The following DGKB variants were observed in gnomAD, a reference collection of about 807,000 sequenced individuals.
DGKB encodes the protein 90 kDa diacylglycerol kinase.
Under a neutral mutation model 114.3 loss-of-function variants are expected in DGKB, and 67 were observed. The ratio of observed to expected loss-of-function variants is 0.59; its 90% CI spans 0.48 to 0.72. DGKB has a LOEUF of 0.72. DGKB is among the 30% of genes least tolerant of loss of function. The pLI, the probability that DGKB is intolerant of heterozygous loss-of-function variation, is 0.00. For synonymous variants in DGKB, 398 were observed against 323.1 expected (o/e 1.23, Z -2.49); for missense variants, 907 against 975.2 (o/e 0.93, Z 0.93).
intron 19 of DGKB, among the ~76,000 whole-genome samples, chr7:14,575,155 A>G (rs1339419334): frequency 1.3e-5 from 2 of 152,110 alleles, no homozygotes; most frequent in South Asian, 4.1e-4. Flanking sequence ...AAACTAATAA[A>G]TTTGCTAACA....
chr7:14,730,601 G>T (rs570859079), intron 5 of DGKB, among the ~76,000 whole-genome samples: 1 of 152,196 alleles, frequency 6.6e-6, no homozygotes, highest in East Asian at 1.9e-4. Flanking sequence ...GAGATGGAGC[G>T]AATAGGGCTG....
chr7:14,574,076 C>T, intron 20 of DGKB, 136 bp downstream of exon 20: 2 of 610,910 alleles, frequency 3.3e-6, no homozygotes, highest in African/African-American at 1.9e-5. Context: ...TAATAATTGC[C>T]TATTAGAAGA....
At chr7:14,584,260 G>A (rs747851285) in intron 17 of DGKB, among the ~76,000 whole-genome samples, 1 of 152,092 alleles carries the variant, frequency 6.6e-6, no homozygotes, top group African/African-American at 2.4e-5. Context: ...CTCTTTTTAT[G>A]AATTTTTAAG....
intron 23 of DGKB, among the ~76,000 whole-genome samples, chr7:14,203,264 G>C (rs1786201478): frequency 6.7e-6 from 1 of 149,826 alleles, no homozygotes; most frequent in South Asian, 2.1e-4. Flanking sequence ...ACAGTCATAA[G>C]ACATTTCCTT....
intron 23 of DGKB, among the ~76,000 whole-genome samples, chr7:14,324,468 A>G (rs1220020924): frequency 6.7e-6 from 1 of 149,448 alleles, no homozygotes; most frequent in Non-Finnish European, 1.5e-5. Flanking sequence ...AAAAAGAAAG[A>G]ATGTCAGATT....
Position 14,698,514 on chromosome 7 carries a change from T to A in DGKB, c.517-345A>T, listed in dbSNP as rs191014997. Among the ~76,000 whole-genome samples, 3 of 152,200 alleles carry A rather than the reference T, an allele frequency of 2.0e-5. No individual in the cohort carries two copies. The East Asian group carries it at 5.8e-4, about 29-fold the overall frequency. On this transcript the variant is annotated intron_variant, in intron 7 of 25. Transcript: ENST00000402815. ...TTTAAGACACTGAATTCCCTGAACC[T>A]TTGGCTTGAAAATAGATGTGAAAGG...
At position 14,700,240 on chromosome 7, in the gene DGKB, G is replaced by T. The variant is rs537893166; in HGVS notation, c.516+1441C>A. 2.4e-3 allele frequency among the ~76,000 whole-genome samples: 353 copies of T among 145,692 alleles called. 3 individuals are homozygous for T. The highest frequency in any genetic ancestry group is 8.8e-3 in the African/African-American group (346 of 39,538). On this transcript the variant is annotated intron_variant, in intron 7 of 25. Coordinates refer to ENST00000402815, the MANE Select transcript of DGKB (RefSeq NM_001350709.2). The stretch of plus-strand genomic sequence containing the variant: ...TTTTTTTTTTTTTTTTTGAGATGGA[G>T]TCTTGCTCTCTCGCCCAGGCTGGAG...
intron 21 of DGKB, among the ~76,000 whole-genome samples, chr7:14,379,163 A>G (rs1427485032): frequency 1.3e-5 from 2 of 151,516 alleles, no homozygotes; most frequent in African/African-American, 2.4e-5. Flanking sequence ...TAAATTTGTT[A>G]TTTGTAAATG....
intron 23 of DGKB, chr7:14,191,905 T>C (rs1784372695): frequency 1.7e-6 from 1 of 575,656 alleles, no homozygotes; most frequent in Non-Finnish European, 3.2e-6. Flanking sequence ...AAAAGATTGA[T>C]TGCCAGTCTG....
Position 14,682,828 on chromosome 7 carries a change from T to C in DGKB, c.843A>G (p.Thr281=), listed in dbSNP as rs1433398901. 3 of 1,592,462 alleles carry C rather than the reference T, an allele frequency of 1.9e-6. No individual in the cohort carries two copies. The highest frequency in any genetic ancestry group is 1.7e-6 in the Non-Finnish European group (2 of 1,168,700). ...QGLCCSFCKY[T]VHERCVARAP... Reference sequence around the variant, plus strand: ...CTCGAGCCACACAGCGCTCATGGACTGTGTACTTGCAGACTGAAAGGAAAC... The same window carrying C: ...CTCGAGCCACACAGCGCTCATGGACCGTGTACTTGCAGACTGAAAGGAAAC... The change falls in exon 11 of 26, where the codon ACA becomes ACG. Residue 281 remains threonine, a synonymous_variant. Transcript: ENST00000402815.
chr7:14,757,679 C>G lies in DGKB; in HGVS notation c.123G>C (p.Val41=). 6.2e-7 allele frequency: 1 copy of G among 1,604,294 alleles called. No homozygotes were observed. Among genetic ancestry groups the G allele is most frequent in the Non-Finnish European group, 8.5e-7 (1 of 1,172,880 alleles). Residue 41 remains valine (V), a synonymous_variant, in exon 3 of 26, where the codon GTG becomes GTC. Transcript: ENST00000402815. ...DVLEEFHGNG[V]LAKYNPEGKQ... ...CCCCTTCAGGATTATACTTTGCAAG[C>G]ACACCATTACCATGGAATTCTTCAA...
intron 5 of DGKB, among the ~76,000 whole-genome samples, chr7:14,728,740 G>A (rs1195682836): frequency 6.8e-6 from 1 of 146,190 alleles, no homozygotes; most frequent in African/African-American, 2.6e-5. Flanking sequence ...GTCTCGCTCT[G>A]TCGTGCAGGC....
intron 21 of DGKB, among the ~76,000 whole-genome samples, chr7:14,373,398 A>G (rs1423512908): frequency 1.3e-5 from 2 of 152,208 alleles, no homozygotes; most frequent in East Asian, 1.9e-4. Context: ...TAACTGTTGT[A>G]TTGCATAAAA....
intron 21 of DGKB, among the ~76,000 whole-genome samples, chr7:14,387,554 A>T (rs1820610318): frequency 1.3e-5 from 2 of 152,076 alleles, no homozygotes; most frequent in Admixed American, 6.6e-5. Flanking sequence ...CTGGGACTAT[A>T]GGTCTGTGCC....
At chr7:14,241,469 C>G (rs756202960) in intron 23 of DGKB, among the ~76,000 whole-genome samples, 3 of 151,490 alleles carry the variant, frequency 2.0e-5, no homozygotes, top group Admixed American at 1.3e-4. Context: ...ATATAAAAAA[C>G]GACATATAAG....
intron 17 of DGKB, among the ~76,000 whole-genome samples, chr7:14,586,249 T>C (rs887451703): frequency 1.4e-4 from 21 of 152,130 alleles, no homozygotes; most frequent in African/African-American, 5.1e-4. Context: ...CGAAACAGCC[T>C]TATTGCTGAT....
At chr7:14,593,920 C>T (rs1010590530) in intron 17 of DGKB, among the ~76,000 whole-genome samples, 2 of 151,844 alleles carry the variant, frequency 1.3e-5, no homozygotes, top group African/African-American at 4.8e-5. Context: ...CGGTTTTGAC[C>T]CTGTAAGAAA....
chr7:14,968,246 T>C (rs1562911387), intron 1 of DGKB, among the ~76,000 whole-genome samples: 1 of 152,098 alleles, frequency 6.6e-6, no homozygotes, highest in African/African-American at 2.4e-5. Context: ...AATTAGAACA[T>C]GAACAATTTT....
At chr7:14,578,220 T>C (rs552969443) in intron 19 of DGKB, among the ~76,000 whole-genome samples, 2 of 152,334 alleles carry the variant, frequency 1.3e-5, no homozygotes, top group South Asian at 2.1e-4. Flanking sequence ...GTAAGTTTCC[T>C]GAGGCCTCCC....
Sources: gnomAD v4.1 joint callset for allele counts (sites outside exome capture counted in the v4.1 genomes callset) on GRCh38, gnomAD v4.1.1 for gene constraint, MANE v1.5 for transcripts, NCBI Gene and HGNC (gene_info 2026-07-23, HGNC 2026-07-21) for gene names.